Variants in SASH1 observed in about 807,000 individuals in gnomAD.
SASH1 encodes SAM and SH3 domain-containing protein 1.
A neutral mutation model predicts 125.2 loss-of-function variants in SASH1; 44 were observed. The ratio of observed to expected loss-of-function variants is 0.35; its 90% CI spans 0.28 to 0.45. The LOEUF is 0.45. Among genes scored for constraint, SASH1 ranks in the 20% least tolerant of loss-of-function variants. SASH1 has a pLI of 1.00. For synonymous variants in SASH1, 639 were observed against 649.1 expected, an observed-to-expected ratio of 0.98 and a Z score of 0.24; for missense variants, 1,426 against 1,614.5, an observed-to-expected ratio of 0.88 and a Z score of 2.00.
In SASH1 at chr6:148,524,123, T is replaced by TA. The variant is rs1562482147; in HGVS notation, c.1210-1168_1210-1167insA. Among the ~76,000 whole-genome samples the TA allele has an allele frequency of 5.2e-4, 63 of 121,856 alleles. No individual in the cohort carries two copies. In the East Asian group the frequency reaches 5.9e-3, roughly 11 times the overall value. 79.9% of individuals were successfully genotyped at this position (121,856 alleles called of 152,430 possible). A position where few individuals can be genotyped will look rare whatever the true frequency, so the allele number is the denominator to read the frequency against. On this transcript the variant is annotated intron_variant, in intron 10 of 19. Coordinates refer to ENST00000367467, the MANE Select transcript of SASH1 (RefSeq NM_015278.5). ...TATATATATATATATATATATATAT[T>TA]TTTTTTAATGAATAAGCAATGCTTA...
the SASH1 span, among the ~76,000 whole-genome samples, chr6:148,198,772 T>G: frequency 6.6e-6 from 1 of 152,370 alleles, no homozygotes; most frequent in African/African-American, 2.4e-5. Context: ...TATTTACATT[T>G]TTAGCAAATA....
At chr6:148,327,978 A>C (rs1206404505) in intron 1 of SASH1, among the ~76,000 whole-genome samples, 1 of 151,890 alleles carries the variant, frequency 6.6e-6, no homozygotes, top group Non-Finnish European at 1.5e-5. Flanking sequence ...AGAAAAAAGA[A>C]CACAAAAAGT....
the SASH1 span, among the ~76,000 whole-genome samples, chr6:148,257,515 G>A: frequency 6.6e-6 from 1 of 152,058 alleles, no homozygotes. Flanking sequence ...TTAGACTTTA[G>A]TGAGCATGTA....
At chr6:148,202,425 C>G in the SASH1 span, among the ~76,000 whole-genome samples, 1 of 152,160 alleles carries the variant, frequency 6.6e-6, no homozygotes, top group Non-Finnish European at 1.5e-5. Context: ...TCTCCTCCTG[C>G]ACACATCACC....
chr6:148,513,840 G>C (rs1780285271), intron 8 of SASH1: 1 of 986,454 alleles, frequency 1.0e-6, no homozygotes, highest in Non-Finnish European at 1.2e-6. Flanking sequence ...TCCCTTTCCT[G>C]CCCTGCTGTT....
chr6:148,299,212 G>C (rs1315515488), intron 1 of SASH1, among the ~76,000 whole-genome samples: 1 of 152,140 alleles, frequency 6.6e-6, no homozygotes, highest in Non-Finnish European at 1.5e-5. Context: ...ATATTCTAGA[G>C]AATGGTGAAG....
At chr6:148,209,505 A>T in the SASH1 span, among the ~76,000 whole-genome samples, 3 of 152,212 alleles carry the variant, frequency 2.0e-5, no homozygotes, top group African/African-American at 7.2e-5. Context: ...GGTTAAATCA[A>T]GTGTACATCT....
Position 148,300,671 on chromosome 6 carries a change from C to T in SASH1, n.74+28294C>T, listed in dbSNP as rs192473355. 1.6e-4 allele frequency among the ~76,000 whole-genome samples: 25 copies of T among 151,946 alleles called. No individual in the cohort carries two copies. In the East Asian group the frequency reaches 1.7e-3, roughly 11 times the overall value. ...TAATTTTTTGTATTTTTAGTAAAGA[C>T]GGGGTTTTACCACGTTGGCTAGGCT... is the stretch of plus-strand genomic sequence containing the variant. On this transcript the variant is annotated intron_variant and non_coding_transcript_variant, in intron 1 of 3. Coordinates refer to the SASH1 transcript ENST00000367469.
At chr6:148,295,100 G>A (rs1044497210) in intron 1 of SASH1, among the ~76,000 whole-genome samples, 6 of 151,558 alleles carry the variant, frequency 4.0e-5, no homozygotes, top group African/African-American at 7.3e-5. Flanking sequence ...ATACACACCC[G>A]TACACACACC....
At chr6:148,444,033 A>T (rs1433678878) in intron 4 of SASH1, among the ~76,000 whole-genome samples, 9 of 152,166 alleles carry the variant, frequency 5.9e-5, no homozygotes, top group Non-Finnish European at 1.3e-4. Flanking sequence ...AAACAAGAGA[A>T]CTTAGAAAAC....
At chr6:148,394,731 GCCT>G (rs1783875872) in intron 2 of SASH1, among the ~76,000 whole-genome samples, 15 of 152,122 alleles carry the variant, frequency 9.9e-5, no homozygotes, top group African/African-American at 3.1e-4. Context: ...CGCAATTTCT[GCCT>G]CCTGGGTTCA....
At chr6:148,433,590 G>C (rs1220697472) in intron 2 of SASH1, among the ~76,000 whole-genome samples, 1 of 151,728 alleles carries the variant, frequency 6.6e-6, no homozygotes, top group Non-Finnish European at 1.5e-5. Flanking sequence ...ATTTTCAGTA[G>C]AGACAGGGTT....
upstream of SASH1, among the ~76,000 whole-genome samples, chr6:148,267,491 G>C (rs890985553): frequency 6.6e-6 from 1 of 151,694 alleles, no homozygotes; most frequent in Non-Finnish European, 1.5e-5. Context: ...CAATTCTCCT[G>C]CCTCAGCCTC....
chr6:148,342,919 G>T lies in SASH1; in HGVS notation c.-149G>T. 1.5e-6 allele frequency: 1 copy of T among 673,908 alleles called. No homozygotes were observed. Among genetic ancestry groups the T allele is most frequent in the Non-Finnish European group, 1.8e-6 (1 of 545,408 alleles). The allele number at this position is 673,908 out of a possible 1,614,324, so 41.7% of individuals were successfully genotyped here. ...CGGGCGCCTGCGAAGGGCCCCCGCG[G>T]GGTGGCCGGGGCCGCCGGGGCATGC... On this transcript the variant is annotated 5_prime_UTR_variant, in exon 1 of 20. Transcript: ENST00000367467.
At chr6:148,386,960 C>T (rs1400327501) in intron 1 of SASH1, among the ~76,000 whole-genome samples, 2 of 151,898 alleles carry the variant, frequency 1.3e-5, no homozygotes, top group Non-Finnish European at 2.9e-5. Context: ...AGGAGGATGC[C>T]CTGGTGCTGA....
chr6:148,231,337 G>GGA, the SASH1 span, among the ~76,000 whole-genome samples: 1 of 152,130 alleles, frequency 6.6e-6, no homozygotes, highest in Non-Finnish European at 1.5e-5. Context: ...ATTGATCTAT[G>GGA]TCTCCTCTTA....
At chr6:148,441,723 C>T (rs1485108586) in intron 4 of SASH1, among the ~76,000 whole-genome samples, 1 of 152,180 alleles carries the variant, frequency 6.6e-6, no homozygotes, top group East Asian at 1.9e-4. Context: ...GAAATGTTTG[C>T]TCTTCCTCCT....
chr6:148,280,656 A>G (rs1779313106), intron 1 of SASH1, among the ~76,000 whole-genome samples: 1 of 152,098 alleles, frequency 6.6e-6, no homozygotes, highest in Non-Finnish European at 1.5e-5. Flanking sequence ...AAAAGAAAAA[A>G]AATTAGCTGA....
At chr6:148,353,212 C>T (rs1207994780) in intron 1 of SASH1, among the ~76,000 whole-genome samples, 1 of 151,432 alleles carries the variant, frequency 6.6e-6, no homozygotes, top group Non-Finnish European at 1.5e-5. Context: ...AGACTATAGG[C>T]GTGCATTACC....
Sources: gnomAD v4.1 joint callset for allele counts (sites outside exome capture counted in the v4.1 genomes callset) on GRCh38, gnomAD v4.1.1 for gene constraint, MANE v1.5 for transcripts, NCBI Gene and HGNC (gene_info 2026-07-23, HGNC 2026-07-21) for gene names.